RRP36: variants seen among roughly 807,000 people sequenced by gnomAD.
The protein encoded by RRP36 is ribosomal RNA processing 36, also known as ribosomal RNA processing protein 36 homolog.
A neutral mutation model predicts 39.8 loss-of-function variants in RRP36; 44 were observed. The observed-to-expected ratio is 1.10, with a 90% CI of 0.87 to 1.42. The LOEUF (loss-of-function observed/expected upper bound fraction) is 1.42. Ranked by LOEUF, RRP36 falls within the 40% of genes most tolerant of loss-of-function variation. The pLI is 0.00. For missense variants in RRP36, 316 were observed against 322.4 expected (o/e 0.98, Z 0.15); for synonymous variants, 124 against 123.1 (o/e 1.01, Z -0.05).
chr6:43,027,798 C>CAA (rs1491579016), intron 6 of RRP36, among the ~76,000 whole-genome samples: 1 of 128,618 alleles, frequency 7.8e-6, no homozygotes, highest in Non-Finnish European at 1.6e-5. Context: ...CACACACACA[C>CAA]AAACACAGAG....
chr6:43,025,687 T>C (rs939931050), intron 3 of RRP36, among the ~76,000 whole-genome samples: 4 of 150,808 alleles, frequency 2.7e-5, no homozygotes, highest in Non-Finnish European at 4.4e-5. Flanking sequence ...ATCCCAGCAC[T>C]TTGGAAGGCC....
intron 1 of RRP36, 134 bp from the exon 2 acceptor site, chr6:43,024,851 C>T (rs1762782465): frequency 9.3e-7 from 1 of 1,076,610 alleles, no homozygotes; most frequent in South Asian, 1.6e-5. Flanking sequence ...ACAGCCTCTG[C>T]TGCCTAGGAC....
In RRP36 at chr6:43,026,159, G is replaced by A; in HGVS notation, c.450+18G>A. 1 of 1,577,840 alleles carries A rather than the reference G, an allele frequency of 6.3e-7. No homozygotes were observed. Among genetic ancestry groups the A allele is most frequent in the South Asian group, 1.1e-5 (1 of 90,186 alleles). On this transcript the variant is annotated intron_variant, in intron 4 of 6. Coordinates refer to ENST00000244496, the MANE Select transcript of RRP36 (RefSeq NM_033112.4). ...AGAAAGAGGTATACAGCTTGAGACT[G>A]GTTTATGGGGAATTTTGTGGGGTGG...
intron 6 of RRP36, among the ~76,000 whole-genome samples, 191 bp from the exon 7 acceptor site, chr6:43,028,901 C>G (rs998063787): frequency 1.3e-5 from 2 of 151,640 alleles, no homozygotes; most frequent in African/African-American, 4.9e-5. Context: ...TGCAGTGAGC[C>G]GAGATCGCGT....
At chr6:43,021,805 G>A in intron 1 of RRP36, 21 bp downstream of exon 1, 6 of 1,199,324 alleles carry the variant, frequency 5.0e-6, no homozygotes, top group East Asian at 3.3e-5. Flanking sequence ...GGGGCAGGGC[G>A]GGCTGGGGAG....
At chr6:43,028,963 T>C in intron 6 of RRP36, 129 bp from the exon 7 acceptor site, 1 of 1,235,264 alleles carries the variant, frequency 8.1e-7, no homozygotes, top group Non-Finnish European at 1.1e-6. Context: ...AGAAAAAAGA[T>C]AGAGGGGCAC....
chr6:43,026,733 G>A (rs1421040601), intron 4 of RRP36, among the ~76,000 whole-genome samples: 2 of 151,926 alleles, frequency 1.3e-5, no homozygotes, highest in African/African-American at 2.4e-5. Flanking sequence ...GGCCGGGTGC[G>A]GTGGCTCATG....
chr6:43,025,218 A>T (rs1055879972), intron 2 of RRP36, 45 bp from the exon 3 acceptor site: 1 of 1,613,052 alleles, frequency 6.2e-7, no homozygotes, highest in Admixed American at 1.7e-5. Context: ...GAAGCCTTTG[A>T]CCAACACTGG....
At chr6:43,023,487 AGAT>A (rs796536540) in intron 1 of RRP36, among the ~76,000 whole-genome samples, 3 of 152,120 alleles carry the variant, frequency 2.0e-5, no homozygotes, top group African/African-American at 7.2e-5. Context: ...CAAGGTCAGG[AGAT>A]CAAGACCATC....
At chr6:43,022,142 G>C (rs1027501401) in intron 1 of RRP36, among the ~76,000 whole-genome samples, 1 of 151,480 alleles carries the variant, frequency 6.6e-6, no homozygotes, top group Non-Finnish European at 1.5e-5. Context: ...GTCTCTCTCT[G>C]TCGCCAAGGC....
chr6:43,026,180 G>T lies in RRP36; in HGVS notation c.450+39G>T, dbSNP rs1402341623. ...GACTGGTTTATGGGGAATTTTGTGGGGTGGAAAATGAGGGCACAGGTTAGA... is the reference window on the plus strand; with the variant it reads ...GACTGGTTTATGGGGAATTTTGTGGTGTGGAAAATGAGGGCACAGGTTAGA... On this transcript the variant is annotated intron_variant, in intron 4 of 6. Transcript: ENST00000244496. 2.0e-6 allele frequency: 3 copies of T among 1,487,176 alleles called. No individual in the cohort carries two copies. In the African/African-American group the frequency reaches 4.1e-5, roughly 21 times the overall value. 92.1% of individuals were successfully genotyped at this position (1,487,176 alleles called of 1,614,324 possible).
At position 43,029,297 on chromosome 6, in the gene RRP36, G is replaced by A. The variant is rs952412804; in HGVS notation, c.*69G>A. 91 of 1,579,482 alleles carry A rather than the reference G, an allele frequency of 5.8e-5. No individual in the cohort carries two copies. Among genetic ancestry groups the A allele is most frequent in the Non-Finnish European group, 7.5e-5 (87 of 1,155,948 alleles). The stretch of plus-strand genomic sequence containing the variant: ...GATCTGTGAGGACAGATTTGGCCAC[G>A]GCTGGTTTCCGTTCAAGGGCAAGGA... On this transcript the variant is annotated 3_prime_UTR_variant, in exon 7 of 7. Coordinates refer to ENST00000244496, the MANE Select transcript of RRP36 (RefSeq NM_033112.4).
rs879131182 is a variant in RRP36, at chr6:43,026,174, T to C, written c.450+33T>C. 5 of 1,525,740 alleles carry C rather than the reference T, an allele frequency of 3.3e-6. No individual in the cohort carries two copies. The South Asian group carries it at 3.4e-5, about 10-fold the overall frequency. The allele number at this position is 1,525,740 out of a possible 1,614,324, so 94.5% of individuals were successfully genotyped here. On this transcript the variant is annotated intron_variant, in intron 4 of 6. Transcript: ENST00000244496. ...GCTTGAGACTGGTTTATGGGGAATTTTGTGGGGTGGAAAATGAGGGCACAG... is the reference window on the plus strand; with the variant it reads ...GCTTGAGACTGGTTTATGGGGAATTCTGTGGGGTGGAAAATGAGGGCACAG...
intron 4 of RRP36, 149 bp from the exon 5 acceptor site, chr6:43,027,029 G>A (rs1762823368): frequency 1.6e-6 from 1 of 638,344 alleles, no homozygotes; most frequent in South Asian, 1.9e-5. Context: ...TCACACCACT[G>A]CACTCAAGCC....
chr6:43,023,083 GT>G (rs376584253), intron 1 of RRP36, among the ~76,000 whole-genome samples: 28 of 151,926 alleles, frequency 1.8e-4, no homozygotes, highest in Non-Finnish European at 2.4e-4. Flanking sequence ...GCTGGAGATA[GT>G]TGTGAATAAA....
chr6:43,023,471 G>A (rs999408870), intron 1 of RRP36, among the ~76,000 whole-genome samples: 2 of 151,978 alleles, frequency 1.3e-5, no homozygotes, highest in African/African-American at 4.8e-5. Flanking sequence ...CGAGGTGGGC[G>A]GATCACAAGG....
At chr6:43,026,255 C>T (rs763845669) in intron 4 of RRP36, 114 bp downstream of exon 4, 39 of 616,778 alleles carry the variant, frequency 6.3e-5, no homozygotes, top group Non-Finnish European at 1.1e-4. Flanking sequence ...ATTTAACTCT[C>T]TCCAATTCAG....
chr6:43,028,539 T>C (rs1451885528), intron 6 of RRP36, among the ~76,000 whole-genome samples: 2 of 151,520 alleles, frequency 1.3e-5, no homozygotes, highest in Admixed American at 6.6e-5. Context: ...TCCCAGCTAC[T>C]CAGAAGGCTG....
chr6:43,026,997 C>T (rs766625013), intron 4 of RRP36, 181 bp from the exon 5 acceptor site: 2 of 517,092 alleles, frequency 3.9e-6, no homozygotes, highest in Non-Finnish European at 6.9e-6. Flanking sequence ...ACCCAGGAGG[C>T]GGAGGTTGCA....
Sources: gnomAD v4.1 joint callset for allele counts (sites outside exome capture counted in the v4.1 genomes callset) on GRCh38, gnomAD v4.1.1 for gene constraint, MANE v1.5 for transcripts, NCBI Gene and HGNC (gene_info 2026-07-23, HGNC 2026-07-21) for gene names.